Variants in PFKP observed in about 807,000 individuals in gnomAD.
The protein encoded by PFKP is ATP-dependent 6-phosphofructokinase, platelet type.
PFKP carries 101 observed loss-of-function variants against 94.3 expected under a neutral mutation model. The ratio of observed to expected loss-of-function variants is 1.07; its 90% CI spans 0.91 to 1.26. The LOEUF is 1.26. Among genes scored for constraint, PFKP ranks in the 50% most tolerant of loss-of-function variants. The pLI, the probability that PFKP is intolerant of heterozygous loss-of-function variation, is 0.00. For synonymous variants in PFKP, 573 were observed against 432.6 expected, an observed-to-expected ratio of 1.32 and a Z score of -4.03; for missense variants, 1,145 against 1,103.3, an observed-to-expected ratio of 1.04 and a Z score of -0.53.
chr10:3,079,817 T>G (rs1252982868), intron 1 of PFKP, among the ~76,000 whole-genome samples: 1 of 152,150 alleles, frequency 6.6e-6, no homozygotes, highest in Non-Finnish European at 1.5e-5. Flanking sequence ...ACCAGAGCTG[T>G]GCGTCCACCC....
rs55882340 is a variant in PFKP, at chr10:3,101,091, T to G, written c.265-274T>G. On this transcript the variant is annotated intron_variant, in intron 3 of 21. Coordinates refer to ENST00000381125, the MANE Select transcript of PFKP (RefSeq NM_002627.5). ...TGCTGTGACACCGCAGGCTGGTTCCTGCTCCATGTATTTAACTGCTGGCTG... is the reference window on the plus strand; with the variant it reads ...TGCTGTGACACCGCAGGCTGGTTCCGGCTCCATGTATTTAACTGCTGGCTG... 745 of 1,058,922 alleles carry G rather than the reference T, an allele frequency of 7.0e-4. 3 individuals carry two copies. In the African/African-American group the frequency reaches 0.011, roughly 15 times the overall value. 65.6% of individuals were successfully genotyped at this position (1,058,922 alleles called of 1,614,324 possible).
intron 10 of PFKP, among the ~76,000 whole-genome samples, chr10:3,110,091 G>C (rs1836025469): frequency 6.6e-6 from 1 of 152,176 alleles, no homozygotes; most frequent in African/African-American, 2.4e-5. Flanking sequence ...CTTGGGCCAG[G>C]GAACTGTCTG....
At chr10:3,097,066 A>G in intron 2 of PFKP, among the ~76,000 whole-genome samples, 1 of 68,844 alleles carries the variant, frequency 1.5e-5, no homozygotes. Flanking sequence ...TGACACAGCG[A>G]GACTCCGTCT....
rs114001985 is a variant in PFKP, at chr10:3,117,645, G to A, written c.1442+799G>A. ...TGGGTTAGCTCTACAGCTGCCTCCC[G>A]GCTGTTCTCATGAGCTCTGTGTGTG... On this transcript the variant is annotated intron_variant, in intron 14 of 21. Transcript: ENST00000381125. 5.7e-3 allele frequency among the ~76,000 whole-genome samples: 872 copies of A among 152,234 alleles called. 12 individuals carry two copies. Among genetic ancestry groups the A allele is most frequent in the East Asian group, 0.017 (90 of 5,158 alleles).
At chr10:3,112,575 A>G (rs551740005) in intron 11 of PFKP, among the ~76,000 whole-genome samples, 1 of 152,172 alleles carries the variant, frequency 6.6e-6, no homozygotes, top group Admixed American at 6.5e-5. Context: ...AACCAAAACA[A>G]AAAAAGGAGT....
intron 19 of PFKP, 85 bp downstream of exon 19, chr10:3,133,399 G>GAAAAAAAAAAA: frequency 1.1e-6 from 1 of 876,846 alleles, no homozygotes; most frequent in Admixed American, 1.8e-5. Flanking sequence ...CCATTGTGGG[G>GAAAAAAAAAAA]AAAAATGTAT....
chr10:3,126,881 G>A (rs570796241), intron 16 of PFKP, among the ~76,000 whole-genome samples: 236 of 152,362 alleles, frequency 1.5e-3, no homozygotes, highest in Admixed American at 3.1e-3. Context: ...CGTCTGCTGG[G>A]GGCACATCCC....
intron 2 of PFKP, among the ~76,000 whole-genome samples, chr10:3,092,338 G>A (rs533317367): frequency 4.6e-5 from 7 of 152,294 alleles, no homozygotes; most frequent in South Asian, 2.1e-4. Context: ...AGTTGGTCTC[G>A]TGGAGGTAGA....
chr10:3,071,710 G>A (rs566389583), intron 1 of PFKP, among the ~76,000 whole-genome samples: 1 of 152,296 alleles, frequency 6.6e-6, no homozygotes, highest in South Asian at 2.1e-4. Context: ...CTTAGGGTAG[G>A]CTGCATGTGA....
intron 2 of PFKP, among the ~76,000 whole-genome samples, chr10:3,089,949 G>A (rs1833919076): frequency 6.6e-6 from 1 of 151,958 alleles, no homozygotes; most frequent in Non-Finnish European, 1.5e-5. Flanking sequence ...CTGTCTTCAT[G>A]AGATCAATTT....
At chr10:3,125,331 A>T in intron 16 of PFKP, 1 of 997,554 alleles carries the variant, frequency 1.0e-6, no homozygotes, top group South Asian at 1.9e-5. Flanking sequence ...GATGAGCCGG[A>T]TTTATTCTTC....
intron 1 of PFKP, among the ~76,000 whole-genome samples, chr10:3,081,645 A>T (rs552483698): frequency 6.6e-6 from 1 of 152,328 alleles, no homozygotes; most frequent in South Asian, 2.1e-4. Context: ...TGGTTCCGAG[A>T]CACTAGTGGC....
intron 17 of PFKP, 127 bp from the exon 18 acceptor site, chr10:3,132,253 A>G (rs1838677015): frequency 4.4e-6 from 3 of 675,574 alleles, no homozygotes; most frequent in African/African-American, 3.6e-5. Context: ...CCAAGCCGCG[A>G]GAGCTGCAGC....
rs906860531 is a variant in PFKP at position 3,101,063 on chromosome 10, G to C, written c.265-302G>C. Reference sequence around the variant, plus strand: ...TGAGCTCGTTGGCCGGTGCTGAGGCGGCTGCTGTGACACCGCAGGCTGGTT... The same window carrying C: ...TGAGCTCGTTGGCCGGTGCTGAGGCCGCTGCTGTGACACCGCAGGCTGGTT... On this transcript the variant is annotated intron_variant, in intron 3 of 21. Transcript: ENST00000381125. 2.2e-6 allele frequency: 3 copies of C among 1,336,170 alleles called. No homozygotes were observed. The African/African-American group carries it at 4.3e-5, about 19-fold the overall frequency. The allele number at this position is 1,336,170 out of a possible 1,614,324, so 82.8% of individuals were successfully genotyped here. A position where few individuals can be genotyped will look rare whatever the true frequency, so the allele number is the denominator to read the frequency against.
rs1839368600 is a variant in PFKP, at chr10:3,136,456, G to A, written c.2232G>A (p.Arg744=). 2 of 1,613,532 alleles carry A rather than the reference G, an allele frequency of 1.2e-6. No homozygotes were observed. Among genetic ancestry groups the A allele is most frequent in the South Asian group, 2.2e-5 (2 of 91,038 alleles). ...TCTCCTCTTACCTCCACAGGCACAG[G>A]ATTCCCAAAGAACAGTGGTGGCTCA... is the stretch of plus-strand genomic sequence containing the variant. The part of the protein sequence containing the change: ...ELKKQTDFEH[R]IPKEQWWLKL... Residue 744 remains arginine, a synonymous_variant, in exon 22 of 22, where the codon AGG becomes AGA. Coordinates refer to ENST00000381125, the MANE Select transcript of PFKP (RefSeq NM_002627.5).
In PFKP at chr10:3,115,165, G is replaced by A. The variant is rs72478253; in HGVS notation, c.1372-1611G>A. Among the ~76,000 whole-genome samples the A allele has an allele frequency of 1.9e-3, 282 of 152,300 alleles. 8 individuals carry two copies. The East Asian group carries it at 0.05, about 27-fold the overall frequency. On this transcript the variant is annotated intron_variant, in intron 13 of 21. Coordinates refer to ENST00000381125, the MANE Select transcript of PFKP (RefSeq NM_002627.5). ...CAATTTATGAGGACTAGGAAGCCCTGAGACACACTTCTTGCAGGTAGGATG... is the reference window on the plus strand; with the variant it reads ...CAATTTATGAGGACTAGGAAGCCCTAAGACACACTTCTTGCAGGTAGGATG...
chr10:3,123,346 G>A lies in PFKP; in HGVS notation c.1683+3302G>A, dbSNP rs116021966. Among the ~76,000 whole-genome samples the A allele has an allele frequency of 8.2e-3, 1,254 of 152,344 alleles. 12 individuals are homozygous for A. Among genetic ancestry groups the A allele is most frequent in the African/African-American group, 0.028 (1,151 of 41,578 alleles). On this transcript the variant is annotated intron_variant, in intron 16 of 21. Transcript: ENST00000381125. ...CGTGACTGATTCACAGCCTGGCTGCGCTTGGTCTTGAGAATTTTATGTTTT... is the reference window on the plus strand; with the variant it reads ...CGTGACTGATTCACAGCCTGGCTGCACTTGGTCTTGAGAATTTTATGTTTT...
Position 3,081,977 on chromosome 10 carries a change from C to CTTTTTTTTTTTTTTTTTTT in PFKP, c.113-397_113-379dup, listed in dbSNP as rs547880338. Among the ~76,000 whole-genome samples the CTTTTTTTTTTTTTTTTTTT allele has an allele frequency of 4.4e-5, 3 of 68,440 alleles. 1 individual carries two copies. Among genetic ancestry groups the CTTTTTTTTTTTTTTTTTTT allele is most frequent in the African/African-American group, 6.7e-5 (1 of 14,920 alleles). 44.9% of individuals were successfully genotyped at this position (68,440 alleles called of 152,430 possible). On this transcript the variant is annotated intron_variant, in intron 1 of 21. Coordinates refer to ENST00000381125, the MANE Select transcript of PFKP (RefSeq NM_002627.5). ...CTTGTTTTCTGTTGAAGCCCATTGCCTTTTTTTTTTTTTTTTTTTTTTTTT... is the reference window on the plus strand; with the variant it reads ...CTTGTTTTCTGTTGAAGCCCATTGCCTTTTTTTTTTTTTTTTTTTTTTTTTTTTTTTTTTTTTTTTTTTT...
chr10:3,122,730 C>CT lies in PFKP; in HGVS notation c.1683+2687dup, dbSNP rs779352543. On this transcript the variant is annotated intron_variant, in intron 16 of 21. Coordinates refer to ENST00000381125, the MANE Select transcript of PFKP (RefSeq NM_002627.5). Reference sequence around the variant, plus strand: ...CCTGGGCAGCATTTAGGTTTGAGGTCTGTAGATGGCTCCAGTATACTGGCT... The same window carrying CT: ...CCTGGGCAGCATTTAGGTTTGAGGTCTTGTAGATGGCTCCAGTATACTGGCT... Among the ~76,000 whole-genome samples the CT allele has an allele frequency of 5.3e-5, 8 of 152,312 alleles. No individual in the cohort carries two copies. In the East Asian group the frequency reaches 5.8e-4, roughly 11 times the overall value.
Sources: allele counts gnomAD v4.1 joint callset (sites outside exome capture counted in the v4.1 genomes callset), GRCh38; gene constraint gnomAD v4.1.1; transcripts MANE v1.5; gene names NCBI Gene and HGNC (gene_info 2026-07-23, HGNC 2026-07-21).